PM20D1: variants seen among roughly 807,000 people sequenced by gnomAD.
PM20D1 encodes peptidase M20 domain containing 1, also known as N-fatty-acyl-amino acid synthase/hydrolase PM20D1.
In PM20D1, 53 loss-of-function variants were observed where a neutral mutation model predicts 53.8. The ratio of observed to expected loss-of-function variants is 0.98; its 90% CI spans 0.79 to 1.24. The LOEUF is 1.24. Among genes scored for constraint, PM20D1 ranks in the 50% most tolerant of loss-of-function variants. PM20D1 has a pLI of 0.00. For missense variants in PM20D1, 564 were observed against 616.8 expected, an observed-to-expected ratio of 0.91 and a Z score of 0.91; for synonymous variants, 239 against 241.3, an observed-to-expected ratio of 0.99 and a Z score of 0.09.
intron 1 of PM20D1, among the ~76,000 whole-genome samples, chr1:205,848,843 A>G (rs1657063885): frequency 6.6e-6 from 1 of 152,206 alleles, no homozygotes; most frequent in Non-Finnish European, 1.5e-5. Context: ...CGAGGTTCAG[A>G]AAGATTCAAG....
At chr1:205,834,452 C>G (rs1558090808) in intron 10 of PM20D1, among the ~76,000 whole-genome samples, 1 of 152,154 alleles carries the variant, frequency 6.6e-6, no homozygotes, top group South Asian at 2.1e-4. Context: ...CCACCGTGCC[C>G]GGCCCCAAGA....
At chr1:205,831,651 C>T (rs746548104) in intron 11 of PM20D1, among the ~76,000 whole-genome samples, 1 of 151,402 alleles carries the variant, frequency 6.6e-6, no homozygotes, top group African/African-American at 2.4e-5. Context: ...GCAACCTCTG[C>T]CTCCTGGGTT....
rs1656929247 is a variant in PM20D1, at chr1:205,845,382, CA to C, written c.431del (p.Leu144TrpfsTer19). ...EGWEVPPFSG[L>X]ERDGIIYGRG... ...GACCATAGATGATGCCATCACGCTC[CA>C]ACCCAGAGAATGGGGGCACCTCCCA... is the stretch of plus-strand genomic sequence containing the variant. On this transcript the variant is annotated frameshift_variant, in exon 3 of 13. Transcript: ENST00000367136. LOFTEE classifies it high-confidence loss of function. The C allele has an allele frequency of 3.1e-6, 5 of 1,614,194 alleles. No individual in the cohort carries two copies. Among genetic ancestry groups the C allele is most frequent in the Non-Finnish European group, 4.2e-6 (5 of 1,180,032 alleles).
chr1:205,843,873 C>A, intron 5 of PM20D1, 87 bp from the exon 6 acceptor site: 1 of 1,534,546 alleles, frequency 6.5e-7, no homozygotes, highest in Non-Finnish European at 8.8e-7. Flanking sequence ...GTGCAATAGT[C>A]TAGTGGGCAA....
intron 2 of PM20D1, among the ~76,000 whole-genome samples, chr1:205,846,334 C>T (rs1410775654): frequency 4.6e-5 from 7 of 150,946 alleles, no homozygotes; most frequent in Non-Finnish European, 8.9e-5. Flanking sequence ...TGCAGTGAGC[C>T]GAGATCACAC....
chr1:205,828,910 C>T (rs1219540813), intron 12 of PM20D1, among the ~76,000 whole-genome samples, 167 bp from the exon 13 acceptor site: 1 of 152,236 alleles, frequency 6.6e-6, no homozygotes, highest in Non-Finnish European at 1.5e-5. Context: ...ATTTCGGATG[C>T]ACATTGGTCG....
At chr1:205,844,746 G>T in intron 4 of PM20D1, 65 bp downstream of exon 4, 1 of 1,489,142 alleles carries the variant, frequency 6.7e-7, no homozygotes. Flanking sequence ...CTGGACTAGG[G>T]TTAAGCACCC....
intron 9 of PM20D1, 85 bp downstream of exon 9, chr1:205,841,726 A>T (rs1301369924): frequency 9.9e-6 from 13 of 1,314,720 alleles, no homozygotes; most frequent in Non-Finnish European, 1.2e-5. Context: ...CACAGAAGGA[A>T]GGAAGAGCCA....
At position 205,848,834 on chromosome 1, in the gene PM20D1, G is replaced by A. The variant is rs1319152512; in HGVS notation, c.170-863C>T. 1.3e-5 allele frequency among the ~76,000 whole-genome samples: 2 copies of A among 152,198 alleles called. 1 individual carries two copies. The highest frequency in any genetic ancestry group is 4.1e-4 in the South Asian group (2 of 4,824). On this transcript the variant is annotated intron_variant, in intron 1 of 12. Coordinates refer to ENST00000367136, the MANE Select transcript of PM20D1 (RefSeq NM_152491.5). ...AGCCCACCAGATAGATGGGGAAGCC[G>A]AGGTTCAGAAAGATTCAAGTGCCTA... is the stretch of plus-strand genomic sequence containing the variant.
At chr1:205,840,161 A>G in intron 10 of PM20D1, 91 bp downstream of exon 10, 5 of 1,087,386 alleles carry the variant, frequency 4.6e-6, no homozygotes, top group Non-Finnish European at 6.4e-6. Flanking sequence ...GGGACACTGG[A>G]CCAGCCCTAG....
intron 2 of PM20D1, among the ~76,000 whole-genome samples, chr1:205,845,887 G>C (rs930654339): frequency 2.6e-5 from 4 of 151,216 alleles, no homozygotes; most frequent in South Asian, 2.1e-4. Context: ...GTTCCAGACC[G>C]GCCTGGCCAA....
intron 11 of PM20D1, among the ~76,000 whole-genome samples, chr1:205,831,872 T>C (rs929300048): frequency 2.6e-5 from 4 of 152,166 alleles, no homozygotes; most frequent in African/African-American, 7.2e-5. Context: ...GAGCAATGTC[T>C]TAATATTAGA....
chr1:205,840,897 G>A (rs535926916), intron 9 of PM20D1, among the ~76,000 whole-genome samples: 1 of 152,226 alleles, frequency 6.6e-6, no homozygotes, highest in East Asian at 1.9e-4. Flanking sequence ...GTGCTGGCCA[G>A]TGCTCTGCCT....
At chr1:205,846,335 G>A (rs971503907) in intron 2 of PM20D1, among the ~76,000 whole-genome samples, 3 of 151,048 alleles carry the variant, frequency 2.0e-5, no homozygotes, top group Non-Finnish European at 4.4e-5. Flanking sequence ...GCAGTGAGCC[G>A]AGATCACACC....
chr1:205,847,767 T>G, intron 2 of PM20D1, 118 bp downstream of exon 2: 1 of 741,002 alleles, frequency 1.3e-6, no homozygotes, highest in Non-Finnish European at 2.3e-6. Flanking sequence ...ACTCTGCCTA[T>G]GGGAATTAGA....
intron 2 of PM20D1, 74 bp from the exon 3 acceptor site, chr1:205,845,631 C>T: frequency 7.9e-7 from 1 of 1,272,394 alleles, no homozygotes; most frequent in Non-Finnish European, 1.1e-6. Flanking sequence ...AGTTGTGCTT[C>T]CTGTTCCTTT....
chr1:205,846,245 G>A (rs1047780767), intron 2 of PM20D1, among the ~76,000 whole-genome samples: 2 of 152,128 alleles, frequency 1.3e-5, no homozygotes, highest in Non-Finnish European at 2.9e-5. Flanking sequence ...AAACAGCTGG[G>A]CGTGGTGGCA....
chr1:205,841,813 T>C lies in PM20D1; in HGVS notation c.1042A>G (p.Lys348Glu), dbSNP rs1407013697. 6.4e-7 allele frequency: 1 copy of C among 1,565,604 alleles called. No homozygotes were observed. Among genetic ancestry groups the C allele is most frequent in the South Asian group, 1.2e-5 (1 of 85,502 alleles). Residue 348 changes from lysine to glutamate, a missense_variant and splice_region_variant, in exon 9 of 13, where the codon AAG becomes GAG. Transcript: ENST00000367136. ...TGGGGAGGAACCAGGGATGTTACCT[T>C]GACCCCTGCTTTGAATATGGTGAGT... ...TALTIFKAGV[K>E]FNVIPPVAQA...
rs763287688 is a variant in PM20D1, at chr1:205,843,641, T to C, written c.827+26A>G. The C allele has an allele frequency of 8.1e-6, 13 of 1,603,078 alleles. No individual in the cohort carries two copies. The South Asian group carries it at 1.5e-4, about 18-fold the overall frequency. Reference sequence around the variant, plus strand: ...CAGGGCTTCCATCTCAAGTCTGGCATGGGAACAGGGCCAGGAGTTGCTTAC... The same window carrying C: ...CAGGGCTTCCATCTCAAGTCTGGCACGGGAACAGGGCCAGGAGTTGCTTAC... On this transcript the variant is annotated intron_variant, in intron 6 of 12. Coordinates refer to ENST00000367136, the MANE Select transcript of PM20D1 (RefSeq NM_152491.5).
Sources: allele counts gnomAD v4.1 joint callset (sites outside exome capture counted in the v4.1 genomes callset), GRCh38; gene constraint gnomAD v4.1.1; transcripts MANE v1.5; gene names NCBI Gene and HGNC (gene_info 2026-07-23, HGNC 2026-07-21).